The following QRICH1 variants were observed in gnomAD, a reference collection of about 807,000 sequenced individuals.
The protein encoded by QRICH1 is transcriptional regulator QRICH1.
In QRICH1, 16 loss-of-function variants were observed where a neutral mutation model predicts 87.1. The observed-to-expected ratio is 0.18, with a 90% CI of 0.12 to 0.28. The LOEUF (loss-of-function observed/expected upper bound fraction) is 0.28, where lower values mean the gene tolerates loss of function less well. Among genes scored for constraint, QRICH1 ranks in the 10% least tolerant of loss-of-function variants. The pLI, the probability that QRICH1 is intolerant of heterozygous loss-of-function variation, is 1.00. For missense variants in QRICH1, 647 were observed against 951.7 expected, an observed-to-expected ratio of 0.68 and a Z score of 4.21; for synonymous variants, 367 against 368.4, an observed-to-expected ratio of 1.00 and a Z score of 0.05.
intron 3 of QRICH1, among the ~76,000 whole-genome samples, chr3:49,055,737 A>G (rs2093398160): frequency 6.6e-6 from 1 of 152,182 alleles, no homozygotes; most frequent in African/African-American, 2.4e-5. Context: ...CAGTGGCACG[A>G]TCTCAGCTCA....
At position 49,057,321 on chromosome 3, in the gene QRICH1, G is replaced by A. The variant is rs1343090284; in HGVS notation, c.879C>T (p.His293=). 2.5e-6 allele frequency: 4 copies of A among 1,614,224 alleles called. No homozygotes were observed. The South Asian group carries it at 3.3e-5, about 13-fold the overall frequency. Residue 293 remains histidine (H), a synonymous_variant, in exon 3 of 10, where the codon CAC becomes CAT. Transcript: ENST00000395443. The surrounding 1 kb of genome is among the most constrained non-coding windows in gnomAD (Gnocchi z 5.4). ...TAATGGTCCCAGTGGCACTGTACAGGTGGGCACTGTCTACTGTCAGTAAGT... is the reference window on the plus strand; with the variant it reads ...TAATGGTCCCAGTGGCACTGTACAGATGGGCACTGTCTACTGTCAGTAAGT... ...RPDLLTVDSA[H]LYSATGTITS...
At chr3:49,081,002 A>C (rs1332380453) in intron 1 of QRICH1, among the ~76,000 whole-genome samples, 2 of 150,542 alleles carry the variant, frequency 1.3e-5, no homozygotes, top group Non-Finnish European at 3.0e-5. Context: ...AGCCTAAAAA[A>C]ATTATAAATA....
intron 2 of QRICH1, among the ~76,000 whole-genome samples, chr3:49,075,013 G>A (rs2041922735): frequency 6.6e-6 from 1 of 151,762 alleles, no homozygotes; most frequent in African/African-American, 2.4e-5. Flanking sequence ...GGTGTTTTTA[G>A]TTTACAGTAC....
intron 6 of QRICH1, among the ~76,000 whole-genome samples, chr3:49,034,255 C>T (rs1265774377): frequency 6.6e-6 from 1 of 151,698 alleles, no homozygotes; most frequent in Non-Finnish European, 1.5e-5. Context: ...CCAGCCTGGG[C>T]AACATAGCCA....
rs185941708 is a variant in QRICH1 at position 49,030,266 on chromosome 3, C to T, written c.*186G>A. The T allele has an allele frequency of 5.8e-4, 343 of 593,100 alleles. 2 individuals are homozygous for T. The highest frequency in any genetic ancestry group is 5.7e-3 in the African/African-American group (298 of 52,154). 36.7% of individuals were successfully genotyped at this position (593,100 alleles called of 1,614,324 possible). A position where few individuals can be genotyped will look rare whatever the true frequency, so the allele number is the denominator to read the frequency against. Reference sequence around the variant, plus strand: ...AGCCACCATCGGCTGAGGAGTCTGCCGCAGCAGGTTTATGAAGATGCAAAG... The same window carrying T: ...AGCCACCATCGGCTGAGGAGTCTGCTGCAGCAGGTTTATGAAGATGCAAAG... On this transcript the variant is annotated 3_prime_UTR_variant, in exon 10 of 10. Transcript: ENST00000395443.
At chr3:49,035,639 C>T (rs1185309412) in intron 6 of QRICH1, among the ~76,000 whole-genome samples, 2 of 149,036 alleles carry the variant, frequency 1.3e-5, no homozygotes, top group Non-Finnish European at 3.0e-5. Context: ...CCTGTCAATA[C>T]AAAAACCTTA....
intron 2 of QRICH1, among the ~76,000 whole-genome samples, chr3:49,074,880 G>A (rs753447778): frequency 3.9e-5 from 6 of 151,948 alleles, no homozygotes; most frequent in Non-Finnish European, 7.4e-5. Context: ...CTGGGAGGCT[G>A]AGGCAGGAGA....
chr3:49,032,925 C>T, intron 7 of QRICH1, 152 bp from the exon 8 acceptor site: 1 of 1,030,754 alleles, frequency 9.7e-7, no homozygotes, highest in Admixed American at 2.9e-5. Context: ...GCAGGAACCA[C>T]ATCAAGATGG....
At chr3:49,087,088 C>G (rs2042179351) in intron 1 of QRICH1, 1 of 151,948 alleles carries the variant, frequency 6.6e-6, no homozygotes, top group Non-Finnish European at 1.5e-5. Flanking sequence ...GAAATCCCAT[C>G]TCTACCAAAA....
chr3:49,063,876 T>C (rs1404643442), intron 2 of QRICH1, among the ~76,000 whole-genome samples: 1 of 152,200 alleles, frequency 6.6e-6, no homozygotes, highest in Non-Finnish European at 1.5e-5. Flanking sequence ...TATTTACTTG[T>C]ACTCTAAATT....
chr3:49,058,035 A>C, intron 2 of QRICH1, 145 bp from the exon 3 acceptor site: 1 of 1,387,220 alleles, frequency 7.2e-7, no homozygotes, highest in South Asian at 1.3e-5. Context: ...AGAAGGACAC[A>C]ATACGTAAGA....
chr3:49,055,535 T>A (rs1396026470), intron 3 of QRICH1, among the ~76,000 whole-genome samples: 1 of 152,212 alleles, frequency 6.6e-6, no homozygotes, highest in Admixed American at 6.5e-5. Flanking sequence ...CTATATTTTT[T>A]AAATTTTTGT....
At chr3:49,056,764 A>C (rs946577955) in intron 3 of QRICH1, 98 bp downstream of exon 3, 2 of 1,548,346 alleles carry the variant, frequency 1.3e-6, no homozygotes, top group African/African-American at 1.4e-5. Context: ...CTGTAAGAGT[A>C]ACAGCAGTAA....
intron 2 of QRICH1, among the ~76,000 whole-genome samples, chr3:49,065,900 G>A (rs544427826): frequency 6.6e-6 from 1 of 152,200 alleles, no homozygotes; most frequent in Admixed American, 6.6e-5. Context: ...AGCCAGGATG[G>A]TCTCGATCTC....
In QRICH1 at chr3:49,057,064, A is replaced by C. The variant is rs1283453594; in HGVS notation, c.1136T>G (p.Leu379Arg). 6.2e-7 allele frequency: 1 copy of C among 1,614,068 alleles called. No homozygotes were observed. The highest frequency in any genetic ancestry group is 8.5e-7 in the Non-Finnish European group (1 of 1,180,036). ...KNSHEEVVQTLANSLFPAQFM... is the reference protein window; with the variant it reads ...KNSHEEVVQTRANSLFPAQFM... ...CTGTGCTGGAAAGAGAGAGTTTGCAAGGGTCTGCACTACCTCTTCATGGGA... is the reference window on the plus strand; with the variant it reads ...CTGTGCTGGAAAGAGAGAGTTTGCACGGGTCTGCACTACCTCTTCATGGGA... Residue 379 changes from leucine to arginine, a missense_variant, in exon 3 of 10, where the codon CTT (leucine) becomes CGT (arginine). By Grantham distance (102) the Leu-to-Arg change is moderately radical. Transcript: ENST00000395443. This position sits in a 1 kb window ranked among gnomAD's most constrained non-coding sequence, Gnocchi z 5.4.
chr3:49,064,379 T>A (rs563862389), intron 2 of QRICH1, among the ~76,000 whole-genome samples: 1 of 151,944 alleles, frequency 6.6e-6, no homozygotes, highest in African/African-American at 2.4e-5. Context: ...GTAGCTGGGA[T>A]TATAGGTGCC....
At chr3:49,065,899 G>A (rs982153255) in intron 2 of QRICH1, among the ~76,000 whole-genome samples, 1 of 152,126 alleles carries the variant, frequency 6.6e-6, no homozygotes, top group African/African-American at 2.4e-5. Context: ...TAGCCAGGAT[G>A]GTCTCGATCT....
At chr3:49,079,301 A>T (rs2106995998) in intron 1 of QRICH1, among the ~76,000 whole-genome samples, 1 of 152,096 alleles carries the variant, frequency 6.6e-6, no homozygotes, top group South Asian at 2.1e-4. Context: ...GCACACATGT[A>T]GTCTCAGCTA....
Position 49,057,785 on chromosome 3 carries a change from T to G in QRICH1, c.415A>C (p.Ile139Leu), listed in dbSNP as rs149335799. ...TEQPIQVQVQIQGQAPQSAAP... is the reference protein window; with the variant it reads ...TEQPIQVQVQLQGQAPQSAAP... Reference sequence around the variant, plus strand: ...GCTGACTGTGGTGCCTGGCCTTGGATCTGCACCTGGACCTGGATGGGTTGC... The same window carrying G: ...GCTGACTGTGGTGCCTGGCCTTGGAGCTGCACCTGGACCTGGATGGGTTGC... Residue 139 changes from isoleucine (I) to leucine (L), a missense_variant, in exon 3 of 10, where the codon ATC becomes CTC. Around this residue, in one of 7 missense-constraint regions of QRICH1, gnomAD observed 156 missense variants for 164.5 expected, o/e 0.95. Transcript: ENST00000395443. This position sits in a 1 kb window ranked among gnomAD's most constrained non-coding sequence, Gnocchi z 5.4. 6.4e-5 allele frequency: 104 copies of G among 1,613,918 alleles called. No homozygotes were observed. The highest frequency in any genetic ancestry group is 6.6e-5 in the Non-Finnish European group (78 of 1,180,022).
Sources: gnomAD v4.1 joint callset for allele counts (sites outside exome capture counted in the v4.1 genomes callset) on GRCh38, gnomAD v4.1.1 for gene constraint, gnomAD v4.1.1 regional missense constraint, Gnocchi (gnomAD v3.1) non-coding constraint, MANE v1.5 for transcripts, NCBI Gene and HGNC (gene_info 2026-07-23, HGNC 2026-07-21) for gene names.